The following CACNB2 variants were observed in gnomAD, a reference collection of about 807,000 sequenced individuals.
CACNB2 encodes the protein calcium voltage-gated channel auxiliary subunit beta 2, also known as voltage-dependent L-type calcium channel subunit beta-2.
A neutral mutation model predicts 73.3 loss-of-function variants in CACNB2; 42 were observed. That is an observed-to-expected ratio of 0.57 (90% CI 0.45 to 0.74). The LOEUF (loss-of-function observed/expected upper bound fraction) is 0.74, where lower values mean the gene tolerates loss of function less well. CACNB2 is among the 30% of genes least tolerant of loss of function. The pLI, the probability that CACNB2 is intolerant of heterozygous loss-of-function variation, is 0.00. For missense variants in CACNB2, 940 were observed against 853.0 expected (o/e 1.10, Z -1.27); for synonymous variants, 348 against 310.3 (o/e 1.12, Z -1.28).
intron 3 of CACNB2, among the ~76,000 whole-genome samples, chr10:18,455,996 A>G (rs2047259000): frequency 6.6e-6 from 1 of 152,198 alleles, no homozygotes; most frequent in Admixed American, 6.5e-5. Context: ...GTGCAGTTAC[A>G]CCGGAAATAA....
intron 2 of CACNB2, among the ~76,000 whole-genome samples, chr10:18,351,330 C>A (rs1226541378): frequency 6.6e-6 from 1 of 152,114 alleles, no homozygotes; most frequent in Non-Finnish European, 1.5e-5. Flanking sequence ...GATAAAGTAT[C>A]ATAAGGCAAG....
chr10:18,257,897 C>A (rs1229850177), intron 2 of CACNB2, among the ~76,000 whole-genome samples: 1 of 152,158 alleles, frequency 6.6e-6, no homozygotes, highest in African/African-American at 2.4e-5. Context: ...ACATGTGCCA[C>A]CCTGCCCAGC....
At chr10:18,372,878 A>G (rs1482915683) in intron 2 of CACNB2, among the ~76,000 whole-genome samples, 3 of 152,226 alleles carry the variant, frequency 2.0e-5, no homozygotes, top group Non-Finnish European at 4.4e-5. Context: ...TGCTGAATAA[A>G]TTCTTAGCTA....
At chr10:18,307,819 G>A (rs2039792160) in intron 2 of CACNB2, among the ~76,000 whole-genome samples, 1 of 151,830 alleles carries the variant, frequency 6.6e-6, no homozygotes. Flanking sequence ...TCAAATCAAT[G>A]ATAATGAAAG....
In CACNB2 at chr10:18,356,375, G is replaced by A. The variant is rs536810330; in HGVS notation, c.214-45549G>A. Among the ~76,000 whole-genome samples, 9 of 152,160 alleles carry A rather than the reference G, an allele frequency of 5.9e-5. 1 individual carries two copies. In the South Asian group the frequency reaches 1.9e-3, roughly 32 times the overall value. Reference sequence around the variant, plus strand: ...CTGCTTATTTTCCTCACTTTCTCCAGCAAGCCAACTTCTTTCCACCTTTCT... The same window carrying A: ...CTGCTTATTTTCCTCACTTTCTCCAACAAGCCAACTTCTTTCCACCTTTCT... On this transcript the variant is annotated intron_variant, in intron 2 of 13. Transcript: ENST00000324631.
At chr10:18,368,482 C>T (rs1215691690) in intron 2 of CACNB2, among the ~76,000 whole-genome samples, 3 of 152,118 alleles carry the variant, frequency 2.0e-5, no homozygotes, top group African/African-American at 7.2e-5. Flanking sequence ...TTTTTATTGC[C>T]TGCATCACAT....
chr10:18,468,875 A>G (rs1371020413), intron 3 of CACNB2, among the ~76,000 whole-genome samples: 2 of 152,242 alleles, frequency 1.3e-5, no homozygotes, highest in African/African-American at 4.8e-5. Context: ...CTGGGATTAC[A>G]GGCATGAGCC....
At chr10:18,201,993 T>C (rs1277759) in intron 2 of CACNB2, among the ~76,000 whole-genome samples, 129,489 of 151,904 alleles carry the variant, frequency 0.85, 55,407 homozygotes, top group Non-Finnish European at 0.9. Flanking sequence ...TCTTTCATTA[T>C]GTAGCCAGGA....
At chr10:18,246,667 A>G (rs570548472) in intron 2 of CACNB2, among the ~76,000 whole-genome samples, 1 of 152,152 alleles carries the variant, frequency 6.6e-6, no homozygotes, top group Non-Finnish European at 1.5e-5. Flanking sequence ...TACAGCCTCC[A>G]ACTCCTGGGC....
In CACNB2 at chr10:18,540,583, A is replaced by C. The variant is rs931240085; in HGVS notation, c.*859A>C. 6.6e-6 allele frequency: 1 copy of C among 152,602 alleles called. No homozygotes were observed. Among genetic ancestry groups the C allele is most frequent in the African/African-American group, 2.4e-5 (1 of 41,442 alleles). 9.5% of individuals were successfully genotyped at this position (152,602 alleles called of 1,614,324 possible). Reference sequence around the variant, plus strand: ...TAAGTAAGTTTGTAATTTCCACCATAAATTATGGTAAATATAAAACTCCAG... The same window carrying C: ...TAAGTAAGTTTGTAATTTCCACCATCAATTATGGTAAATATAAAACTCCAG... On this transcript the variant is annotated 3_prime_UTR_variant, in exon 14 of 14. Transcript: ENST00000324631.
In CACNB2 at chr10:18,152,728, A is replaced by G. The variant is rs1003525607; in HGVS notation, c.213+1753A>G. On this transcript the variant is annotated intron_variant, in intron 2 of 13. Transcript: ENST00000324631. ...ACAGACCAAAAAAAAAAAAAAAAAA[A>G]AAAACAAAAAACAAAACACTAGCTC... is the stretch of plus-strand genomic sequence containing the variant. Among the ~76,000 whole-genome samples the G allele has an allele frequency of 2.6e-5, 3 of 115,404 alleles. No individual in the cohort carries two copies. The South Asian group carries it at 7.5e-4, about 29-fold the overall frequency. The allele number at this position is 115,404 out of a possible 152,430, so 75.7% of individuals were successfully genotyped here. A position where few individuals can be genotyped will look rare whatever the true frequency, so the allele number is the denominator to read the frequency against.
chr10:18,193,948 A>G (rs557593285), intron 2 of CACNB2, among the ~76,000 whole-genome samples: 3 of 152,324 alleles, frequency 2.0e-5, no homozygotes, highest in African/African-American at 7.2e-5. Flanking sequence ...TTAGGAGGTG[A>G]TAAGTGCTAC....
intron 3 of CACNB2, among the ~76,000 whole-genome samples, chr10:18,412,611 T>A (rs1159023752): frequency 6.6e-6 from 1 of 152,228 alleles, no homozygotes; most frequent in Non-Finnish European, 1.5e-5. Flanking sequence ...AAACTTCAAT[T>A]TGTTTTTCTT....
At chr10:18,183,973 T>C (rs926483850) in intron 2 of CACNB2, among the ~76,000 whole-genome samples, 1 of 152,226 alleles carries the variant, frequency 6.6e-6, no homozygotes, top group Admixed American at 6.5e-5. Flanking sequence ...GAAACAATTA[T>C]AGTACCTATC....
chr10:18,518,331 T>C lies in CACNB2; in HGVS notation c.805-5T>C. ...AACGTCTAAAAGCCTCTCCTCTCTC[T>C]GCAGACAGAGCACACTCCTCCGTAT... On this transcript the variant is annotated splice_polypyrimidine_tract_variant and splice_region_variant and intron_variant, in intron 7 of 13. Coordinates refer to ENST00000324631, the MANE Select transcript of CACNB2 (RefSeq NM_201596.3). 1.2e-6 allele frequency: 2 copies of C among 1,607,068 alleles called. No homozygotes were observed. The highest frequency in any genetic ancestry group is 1.7e-6 in the Non-Finnish European group (2 of 1,173,584).
intron 3 of CACNB2, among the ~76,000 whole-genome samples, chr10:18,436,545 C>A (rs557840356): frequency 6.6e-6 from 1 of 152,098 alleles, no homozygotes; most frequent in Non-Finnish European, 1.5e-5. Context: ...AGAAGGTATG[C>A]GTGGATTACT....
At chr10:18,359,545 A>T (rs1424671051) in intron 2 of CACNB2, among the ~76,000 whole-genome samples, 1 of 151,942 alleles carries the variant, frequency 6.6e-6, no homozygotes, top group Non-Finnish European at 1.5e-5. Context: ...AAGTGTTAGG[A>T]TTACCAGCAT....
At chr10:18,416,095 C>G (rs1273470926) in intron 3 of CACNB2, among the ~76,000 whole-genome samples, 1 of 152,110 alleles carries the variant, frequency 6.6e-6, no homozygotes, top group Non-Finnish European at 1.5e-5. Context: ...GAATTGATTC[C>G]TTCCATCTTA....
chr10:18,305,659 C>T (rs2039699616), intron 2 of CACNB2, among the ~76,000 whole-genome samples: 1 of 152,090 alleles, frequency 6.6e-6, no homozygotes, highest in South Asian at 2.1e-4. Context: ...ACTGGAAGTC[C>T]CAATTTTAAG....
Sources: allele counts gnomAD v4.1 joint callset (sites outside exome capture counted in the v4.1 genomes callset), GRCh38; gene constraint gnomAD v4.1.1; transcripts MANE v1.5; gene names NCBI Gene and HGNC (gene_info 2026-07-23, HGNC 2026-07-21).